The following PSPC1 variants were observed in gnomAD, a reference collection of about 807,000 sequenced individuals.
PSPC1 encodes paraspeckle component 1.
A neutral mutation model predicts 51.6 loss-of-function variants in PSPC1; 14 were observed. The observed-to-expected ratio is 0.27, with a 90% CI of 0.18 to 0.42. The LOEUF (loss-of-function observed/expected upper bound fraction) is 0.42, where lower values mean the gene tolerates loss of function less well. PSPC1 is among the 10% of genes least tolerant of loss of function. The pLI is 1.00. For missense variants in PSPC1, 406 were observed against 701.1 expected (o/e 0.58, Z 4.75); for synonymous variants, 193 against 231.9 (o/e 0.83, Z 1.53).
chr13:19,776,389 C>T (rs1889124840), intron 1 of PSPC1, among the ~76,000 whole-genome samples: 1 of 151,946 alleles, frequency 6.6e-6, no homozygotes, highest in Admixed American at 6.6e-5. Context: ...TCACTTCAGC[C>T]CCGGAAGTGG....
intron 6 of PSPC1, among the ~76,000 whole-genome samples, chr13:19,680,933 C>A (rs1376139784): frequency 6.6e-6 from 1 of 152,168 alleles, no homozygotes; most frequent in African/African-American, 2.4e-5. Flanking sequence ...CATTAAAATA[C>A]AAGGCCGGGC....
chr13:19,690,335 C>A (rs1012964105), intron 6 of PSPC1, among the ~76,000 whole-genome samples: 5 of 152,186 alleles, frequency 3.3e-5, no homozygotes, highest in African/African-American at 1.2e-4. Flanking sequence ...ATCACATCAA[C>A]AATGAGTTCT....
intron 1 of PSPC1, among the ~76,000 whole-genome samples, chr13:19,775,314 T>TGTGAG (rs1889005606): frequency 6.6e-6 from 1 of 151,066 alleles, no homozygotes; most frequent in African/African-American, 2.4e-5. Flanking sequence ...ACAGTGCCAC[T>TGTGAG]ACACTCACGC....
chr13:19,708,644 G>T (rs755158071), intron 7 of PSPC1, among the ~76,000 whole-genome samples: 1 of 152,102 alleles, frequency 6.6e-6, no homozygotes, highest in East Asian at 1.9e-4. Context: ...ATGCATTGGC[G>T]ACACACATAA....
At chr13:19,750,806 G>A (rs910408869) in intron 4 of PSPC1, among the ~76,000 whole-genome samples, 1 of 150,718 alleles carries the variant, frequency 6.6e-6, no homozygotes, top group Admixed American at 6.6e-5. Flanking sequence ...TTTTGCTCTT[G>A]TTGCCCAGGC....
At chr13:19,711,101 A>G (rs1291400963) in intron 6 of PSPC1, among the ~76,000 whole-genome samples, 3 of 152,174 alleles carry the variant, frequency 2.0e-5, no homozygotes, top group East Asian at 1.9e-4. Flanking sequence ...TCACGCTCGC[A>G]ATGTGCTGGG....
chr13:19,712,270 A>T (rs1324945004), intron 6 of PSPC1, among the ~76,000 whole-genome samples: 3 of 152,214 alleles, frequency 2.0e-5, no homozygotes, highest in Admixed American at 1.3e-4. Context: ...ATATCTAACC[A>T]CTAATATAGG....
chr13:19,745,122 T>G (rs567544417), intron 4 of PSPC1, among the ~76,000 whole-genome samples: 59 of 152,162 alleles, frequency 3.9e-4, no homozygotes, highest in Admixed American at 1.2e-3. Context: ...GTTTGAGACC[T>G]GCCTGGCCAA....
At chr13:19,701,626 T>C (rs1051505873), downstream of PSPC1, among the ~76,000 whole-genome samples, 23 of 152,198 alleles carry the variant, frequency 1.5e-4, no homozygotes, top group Non-Finnish European at 1.9e-4. Context: ...TTTTAATTAG[T>C]ATAAAAGAAT....
intron 6 of PSPC1, among the ~76,000 whole-genome samples, chr13:19,685,205 A>G (rs9579659): frequency 0.091 from 13,861 of 152,314 alleles, 682 homozygotes; most frequent in Middle Eastern, 0.14. Flanking sequence ...GCACTGCGCC[A>G]CATCAGAGCC....
chr13:19,697,908 T>C (rs1426036235), downstream of PSPC1, among the ~76,000 whole-genome samples: 2 of 152,096 alleles, frequency 1.3e-5, no homozygotes, highest in African/African-American at 2.4e-5. Context: ...TTTCACGTAA[T>C]AAATAATACA....
At chr13:19,775,141 A>G (rs1200825761) in intron 1 of PSPC1, among the ~76,000 whole-genome samples, 1 of 152,130 alleles carries the variant, frequency 6.6e-6, no homozygotes, top group Non-Finnish European at 1.5e-5. Context: ...GTTCGAGACC[A>G]GCCTAGCCAG....
At chr13:19,739,862 T>TA (rs1005642453) in intron 5 of PSPC1, among the ~76,000 whole-genome samples, 6,451 of 129,336 alleles carry the variant, frequency 0.05, 148 homozygotes, top group Middle Eastern at 0.14. Flanking sequence ...GAGAGTTGTT[T>TA]AAAAAAAAAA....
At chr13:19,695,885 A>T (rs191610973) in intron 6 of PSPC1, among the ~76,000 whole-genome samples, 1 of 152,020 alleles carries the variant, frequency 6.6e-6, no homozygotes, top group African/African-American at 2.4e-5. Context: ...TGGTATCAAC[A>T]TATTTTTTTT....
At chr13:19,749,285 T>G (rs566565762) in intron 4 of PSPC1, among the ~76,000 whole-genome samples, 1 of 151,640 alleles carries the variant, frequency 6.6e-6, no homozygotes, top group South Asian at 2.1e-4. Flanking sequence ...GAGGTGGAGG[T>G]TGCAGTGAGC....
chr13:19,758,506 C>G (rs887943039), intron 3 of PSPC1, among the ~76,000 whole-genome samples: 7 of 151,974 alleles, frequency 4.6e-5, no homozygotes, highest in African/African-American at 1.7e-4. Flanking sequence ...TCCTTTTAAC[C>G]TACAATAGAC....
intron 5 of PSPC1, among the ~76,000 whole-genome samples, chr13:19,735,852 C>T (rs1593659859): frequency 6.6e-6 from 1 of 151,842 alleles, no homozygotes; most frequent in Non-Finnish European, 1.5e-5. Flanking sequence ...AGACGCAGTC[C>T]CCTCTGTCAC....
chr13:19,771,522 G>T (rs1888626844), intron 2 of PSPC1, among the ~76,000 whole-genome samples: 1 of 152,058 alleles, frequency 6.6e-6, no homozygotes, highest in East Asian at 1.9e-4. Context: ...TGCAACCTCT[G>T]CCTCCAGGGT....
chr13:19,730,421 A>T, intron 5 of PSPC1, 77 bp from the exon 6 acceptor site: 1 of 1,304,404 alleles, frequency 7.7e-7, no homozygotes. Flanking sequence ...ATGTAAAATG[A>T]AATCATTTAT....
Sources: gnomAD v4.1 joint callset for allele counts (sites outside exome capture counted in the v4.1 genomes callset) on GRCh38, gnomAD v4.1.1 for gene constraint, MANE v1.5 for transcripts, NCBI Gene and HGNC (gene_info 2026-07-23, HGNC 2026-07-21) for gene names.